The following COL6A3 variants were observed in gnomAD, a reference collection of about 807,000 sequenced individuals.
COL6A3 encodes collagen type VI alpha 3 chain, also known as collagen alpha-3(VI) chain.
COL6A3 carries 137 observed loss-of-function variants against 274.1 expected under a neutral mutation model. The ratio of observed to expected loss-of-function variants is 0.50; its 90% CI spans 0.44 to 0.58. COL6A3 has a LOEUF of 0.58. Among genes scored for constraint, COL6A3 ranks in the 20% least tolerant of loss-of-function variants. The probability of loss-of-function intolerance (pLI) is 0.00; values close to 1 mark genes in which losing one functional copy is unlikely to be tolerated. For missense variants in COL6A3, 3,950 were observed against 4,124.9 expected (o/e 0.96, Z 1.16); for synonymous variants, 1,650 against 1,650.6 (o/e 1.00, Z 0.01).
At chr2:237,405,710 T>C (rs545218824) in intron 1 of COL6A3, among the ~76,000 whole-genome samples, 1 of 152,182 alleles carries the variant, frequency 6.6e-6, no homozygotes, top group South Asian at 2.1e-4. Context: ...TAACCCAAGT[T>C]AGCATTTCCA....
At position 237,364,318 on chromosome 2, in the gene COL6A3, A is replaced by C. The variant is rs778784474; in HGVS notation, c.5917+32T>G. 6.4e-7 allele frequency: 1 copy of C among 1,564,332 alleles called. No individual in the cohort carries two copies. The highest frequency in any genetic ancestry group is 1.1e-5 in the South Asian group (1 of 90,136). On this transcript the variant is annotated intron_variant, in intron 13 of 43. Transcript: ENST00000295550. The surrounding 1 kb of genome is among the most constrained non-coding windows in gnomAD (Gnocchi z 4.6). ...AGTACACCCCGCCTCACCAGGGTTT[A>C]CTTCTCATATTTAGAAAGCCTTGGC...
intron 42 of COL6A3, chr2:237,332,824 G>A (rs1700331127): frequency 6.4e-6 from 1 of 155,522 alleles, no homozygotes; most frequent in South Asian, 2.0e-4. Context: ...AGAGATTCCA[G>A]GTCTCTCAGA....
intron 26 of COL6A3, 33 bp from the exon 27 acceptor site, chr2:237,351,225 G>C (rs765901463): frequency 1.2e-6 from 2 of 1,608,090 alleles, no homozygotes; most frequent in Middle Eastern, 1.7e-4. Context: ...TGTCAGTGAA[G>C]TGGCCAACCG....
At chr2:237,335,230 TAA>T in intron 40 of COL6A3, among the ~76,000 whole-genome samples, 1 of 152,340 alleles carries the variant, frequency 6.6e-6, no homozygotes, top group African/African-American at 2.4e-5. Flanking sequence ...TAAAATATAT[TAA>T]GTCATAAAAT....
chr2:237,382,722 CAA>C (rs1483438804), intron 4 of COL6A3, among the ~76,000 whole-genome samples: 1 of 152,314 alleles, frequency 6.6e-6, no homozygotes, highest in East Asian at 1.9e-4. Context: ...ACAAAGGAAA[CAA>C]AGTTTGGGAT....
At chr2:237,358,747 G>C (rs1054226041) in intron 20 of COL6A3, among the ~76,000 whole-genome samples, 164 bp from the exon 21 acceptor site, 3 of 152,170 alleles carry the variant, frequency 2.0e-5, no homozygotes, top group African/African-American at 4.8e-5. Flanking sequence ...CATTCGTTTA[G>C]TAAATCCATG....
intron 42 of COL6A3, chr2:237,325,977 C>T (rs1353022653): frequency 5.2e-6 from 2 of 387,272 alleles, no homozygotes; most frequent in Non-Finnish European, 9.2e-6. Context: ...CACTCAGAAT[C>T]CCAAATGCTG....
chr2:237,393,714 T>C (rs752330896), intron 3 of COL6A3, among the ~76,000 whole-genome samples: 7 of 152,236 alleles, frequency 4.6e-5, no homozygotes, highest in Non-Finnish European at 8.8e-5. Context: ...TGCTGTGGTA[T>C]GGTAGAGTTT....
At chr2:237,341,269 G>A in intron 37 of COL6A3, 119 bp from the exon 38 acceptor site, 4 of 1,046,224 alleles carry the variant, frequency 3.8e-6, no homozygotes, top group Non-Finnish European at 5.8e-6. Flanking sequence ...AAGCGGGCCG[G>A]AAGCGGTGGC....
intron 3 of COL6A3, 145 bp downstream of exon 3, chr2:237,394,442 A>G: frequency 9.8e-7 from 1 of 1,015,628 alleles, no homozygotes; most frequent in Non-Finnish European, 1.5e-6. Context: ...AATATTCCAA[A>G]TCAAACCTTT....
chr2:237,358,668 A>G, intron 20 of COL6A3, 85 bp from the exon 21 acceptor site: 2 of 1,181,960 alleles, frequency 1.7e-6, no homozygotes, highest in East Asian at 2.3e-5. Flanking sequence ...CAACTCATAA[A>G]TCTTAACTAG....
chr2:237,381,657 A>G (rs533210258), intron 4 of COL6A3, among the ~76,000 whole-genome samples, 158 bp from the exon 5 acceptor site: 9 of 152,348 alleles, frequency 5.9e-5, no homozygotes, highest in African/African-American at 1.9e-4. Flanking sequence ...TAATGAACAC[A>G]TAAGTTATGG....
In COL6A3 at chr2:237,379,154, T is replaced by C. The variant is rs1064797036; in HGVS notation, c.1979A>G (p.Asp660Gly). 7.4e-6 allele frequency: 12 copies of C among 1,614,104 alleles called. No individual in the cohort carries two copies. In the South Asian group the frequency reaches 8.8e-5, roughly 12 times the overall value. Reference sequence around the variant, plus strand: ...GCTGTTAACTAGGTTCATTACAAAGTCGCGCACATAAGGGAAATTGGTTTT... The same window carrying C: ...GCTGTTAACTAGGTTCATTACAAAGCCGCGCACATAAGGGAAATTGGTTTT... ...VGKTNFPYVR[D>G]FVMNLVNSLD... The change falls in exon 6 of 44, where the codon GAC becomes GGC. Residue 660 changes from aspartate to glycine, a missense_variant. Asp to Gly is a moderately conservative substitution (Grantham distance 94). Transcript: ENST00000295550.
intron 42 of COL6A3, chr2:237,326,181 C>G (rs989470597): frequency 6.2e-6 from 1 of 160,594 alleles, no homozygotes; most frequent in African/African-American, 2.4e-5. Context: ...TAAGGCTCTA[C>G]CTTTCATTAC....
rs1050010905 is a variant in COL6A3, at chr2:237,336,524, G to A, written c.8576C>T (p.Pro2859Leu). The A allele has an allele frequency of 1.8e-5, 29 of 1,613,950 alleles. No individual in the cohort carries two copies. The African/African-American group carries it at 2.0e-4, about 11-fold the overall frequency. ...VKFGHKQVNV[P>L]NNVTSSPTSN... Reference sequence around the variant, plus strand: ...TGTAGGACTTGAAGTAACGTTATTCGGAACATTTCTGTTAAGACAAATTAA... The same window carrying A: ...TGTAGGACTTGAAGTAACGTTATTCAGAACATTTCTGTTAAGACAAATTAA... Residue 2859 changes from proline (P) to leucine (L), a missense_variant, in exon 40 of 44, where the codon CCG becomes CTG. Physicochemically the swap from Pro to Leu is moderately conservative, Grantham distance 98. Around this residue, in one of 5 missense-constraint regions of COL6A3, gnomAD observed 1,284 missense variants for 1,349.7 expected, o/e 0.95. Coordinates refer to ENST00000295550, the MANE Select transcript of COL6A3 (RefSeq NM_004369.4).
At position 237,378,587 on chromosome 2, in the gene COL6A3, G is replaced by T. The variant is rs554429779; in HGVS notation, c.2497+49C>A. On this transcript the variant is annotated intron_variant, in intron 6 of 43. Transcript: ENST00000295550. Reference sequence around the variant, plus strand: ...TCAGACTGGCAAACTACCCTCCAGGGTGGTGTCTGAGGAAGGAGAGGGAGT... The same window carrying T: ...TCAGACTGGCAAACTACCCTCCAGGTTGGTGTCTGAGGAAGGAGAGGGAGT... The T allele has an allele frequency of 3.1e-6, 5 of 1,611,884 alleles. No homozygotes were observed. The African/African-American group carries it at 4.0e-5, about 13-fold the overall frequency.
Position 237,387,623 on chromosome 2 carries a change from T to C in COL6A3, c.1271A>G (p.Gln424Arg). The change falls in exon 4 of 44, where the codon CAA becomes CGA. Residue 424 changes from glutamine (Q) to arginine (R), a missense_variant. By Grantham distance (43) the Gln-to-Arg change is conservative. This residue lies in a region of COL6A3 where 1,934 missense variants were observed against 1,984.3 expected (regional missense o/e 0.97). Coordinates refer to ENST00000295550, the MANE Select transcript of COL6A3 (RefSeq NM_004369.4). ...TGGCGGTTTCAAGACAATGTGCCTT[T>C]GGGCCACGCCAACAATGTACGGCAG... ...KLLPYIVGVA[Q>R]RHIVLKPPTI... 6.2e-7 allele frequency: 1 copy of C among 1,613,892 alleles called. No individual in the cohort carries two copies.
intron 32 of COL6A3, 137 bp downstream of exon 32, chr2:237,346,366 A>G: frequency 1.4e-6 from 1 of 739,866 alleles, no homozygotes; most frequent in Non-Finnish European, 2.4e-6. Flanking sequence ...ATGATGTCAG[A>G]GAGGCGGTTT....
At chr2:237,375,278 G>C (rs1188116767) in intron 7 of COL6A3, among the ~76,000 whole-genome samples, 1 of 152,188 alleles carries the variant, frequency 6.6e-6, no homozygotes, top group Non-Finnish European at 1.5e-5. Context: ...GAGAGAAGAT[G>C]TAAGGATGGA....
Sources: allele counts gnomAD v4.1 joint callset (sites outside exome capture counted in the v4.1 genomes callset), GRCh38; gene constraint gnomAD v4.1.1; regional missense constraint gnomAD v4.1.1; non-coding constraint Gnocchi (gnomAD v3.1); transcripts MANE v1.5; gene names NCBI Gene and HGNC (gene_info 2026-07-23, HGNC 2026-07-21).